Variants in USP25 observed in about 807,000 individuals in gnomAD.
USP25 encodes ubiquitin carboxyl-terminal hydrolase 25.
Under a neutral mutation model 158.5 loss-of-function variants are expected in USP25, and 85 were observed. The observed-to-expected ratio is 0.54, with a 90% confidence interval of 0.45 to 0.64. USP25 has a LOEUF of 0.64. Ranked by LOEUF, USP25 falls within the 30% of genes least tolerant of loss-of-function variation. The probability of loss-of-function intolerance (pLI) is 0.00; values close to 1 mark genes in which losing one functional copy is unlikely to be tolerated. For synonymous variants in USP25, 464 were observed against 460.4 expected (o/e 1.01, Z -0.10); for missense variants, 1,242 against 1,327.3 (o/e 0.94, Z 1.00).
At chr21:15,782,671 A>G (rs1247139749) in intron 4 of USP25, among the ~76,000 whole-genome samples, 7 of 152,160 alleles carry the variant, frequency 4.6e-5, no homozygotes, top group Non-Finnish European at 1.0e-4. Flanking sequence ...CTGTTTGGAC[A>G]CCACAATACT....
chr21:15,737,050 G>A (rs1203057413), intron 1 of USP25, among the ~76,000 whole-genome samples: 5 of 151,594 alleles, frequency 3.3e-5, no homozygotes, highest in African/African-American at 4.8e-5. Context: ...AGGATTTTTC[G>A]TCTGAAATCT....
chr21:15,817,938 T>C (rs1298190936), intron 9 of USP25, among the ~76,000 whole-genome samples: 1 of 152,174 alleles, frequency 6.6e-6, no homozygotes, highest in Non-Finnish European at 1.5e-5. Flanking sequence ...AAATTCTTAA[T>C]AGGACCACAA....
intron 1 of USP25, among the ~76,000 whole-genome samples, chr21:15,741,813 A>G (rs944859054): frequency 2.0e-5 from 3 of 152,066 alleles, no homozygotes; most frequent in Non-Finnish European, 2.9e-5. Context: ...AGATTGCACA[A>G]TTTTTTTTGT....
At chr21:15,811,677 G>A (rs1349352937) in intron 9 of USP25, among the ~76,000 whole-genome samples, 1 of 152,044 alleles carries the variant, frequency 6.6e-6, no homozygotes, top group Admixed American at 6.5e-5. Flanking sequence ...GGAAAAGATT[G>A]TACTCTATCT....
At chr21:15,794,817 T>C (rs1242675808) in intron 5 of USP25, among the ~76,000 whole-genome samples, 2 of 151,496 alleles carry the variant, frequency 1.3e-5, no homozygotes, top group Admixed American at 6.6e-5. Context: ...ATATTATATA[T>C]ATAATACAGG....
At position 15,730,356 on chromosome 21, in the gene USP25, G is replaced by GCGCCACCGC. The variant is rs1555817370; in HGVS notation, c.-33_-25dup. 4.3e-6 allele frequency: 5 copies of GCGCCACCGC among 1,171,300 alleles called. No homozygotes were observed. Among genetic ancestry groups the GCGCCACCGC allele is most frequent in the Non-Finnish European group, 5.3e-6 (5 of 951,640 alleles). The allele number at this position is 1,171,300 out of a possible 1,614,324, so 72.6% of individuals were successfully genotyped here. ...GGCCGGCGGAGGCGCGAGGAGCCGG[G>GCGCCACCGC]CGCCACCGCCGCCGCCGCCGCCGCC... is the stretch of plus-strand genomic sequence containing the variant. On this transcript the variant is annotated 5_prime_UTR_variant, in exon 1 of 26. Transcript: ENST00000400183.
Position 15,811,233 on chromosome 21 carries a change from TA to T in USP25, c.931+24del, listed in dbSNP as rs781173910. 1.9e-5 allele frequency: 30 copies of T among 1,579,316 alleles called. No homozygotes were observed. In the South Asian group the frequency reaches 3.4e-4, roughly 18 times the overall value. ...AAGGTAGAGTTATACATTTACTTTT[TA>T]TTGCAAGTGAAGAGAGATTATTATT... On this transcript the variant is annotated intron_variant, in intron 9 of 25. Coordinates refer to ENST00000400183, the MANE Select transcript of USP25 (RefSeq NM_001283041.3).
intron 3 of USP25, among the ~76,000 whole-genome samples, chr21:15,776,340 A>T (rs965724384): frequency 6.6e-6 from 1 of 151,414 alleles, no homozygotes; most frequent in African/African-American, 2.4e-5. Flanking sequence ...TAAAGACATT[A>T]AAAAAAACAC....
intron 3 of USP25, among the ~76,000 whole-genome samples, chr21:15,769,983 T>G (rs1485605942): frequency 6.6e-6 from 1 of 152,022 alleles, no homozygotes; most frequent in African/African-American, 2.4e-5. Context: ...TTTTCTTTTT[T>G]TCTAAAACAC....
intron 4 of USP25, among the ~76,000 whole-genome samples, chr21:15,781,747 T>C (rs1035378094): frequency 6.6e-6 from 1 of 152,052 alleles, no homozygotes; most frequent in Admixed American, 6.5e-5. Context: ...AAGCGGAGAA[T>C]CATCAGTCCT....
chr21:15,794,138 A>G (rs1490596558), intron 5 of USP25, among the ~76,000 whole-genome samples: 1 of 151,726 alleles, frequency 6.6e-6, no homozygotes, highest in Non-Finnish European at 1.5e-5. Flanking sequence ...TTTCTTGTAA[A>G]TATATTGACC....
At chr21:15,755,164 T>C (rs905015646) in intron 1 of USP25, among the ~76,000 whole-genome samples, 3 of 152,110 alleles carry the variant, frequency 2.0e-5, no homozygotes, top group South Asian at 2.1e-4. Flanking sequence ...TTTTTTTTTT[T>C]CCTCTGTTCT....
chr21:15,756,076 G>A (rs1308325102), intron 1 of USP25, among the ~76,000 whole-genome samples: 1 of 152,140 alleles, frequency 6.6e-6, no homozygotes, highest in Non-Finnish European at 1.5e-5. Context: ...GTAAGAAATA[G>A]CCCTTAGAAG....
At chr21:15,744,833 C>G (rs1436926562) in intron 1 of USP25, 1 of 152,378 alleles carries the variant, frequency 6.6e-6, no homozygotes, top group Non-Finnish European at 1.5e-5. Flanking sequence ...GGTGATCCAC[C>G]TGCCTCAGCC....
At chr21:15,850,687 G>A (rs2038845662) in intron 20 of USP25, among the ~76,000 whole-genome samples, 1 of 150,748 alleles carries the variant, frequency 6.6e-6, no homozygotes. Context: ...TTCATTTTCT[G>A]TATTTTGCCA....
chr21:15,808,625 A>G (rs770828224), intron 7 of USP25, among the ~76,000 whole-genome samples, 184 bp from the exon 8 acceptor site: 3 of 151,682 alleles, frequency 2.0e-5, no homozygotes, highest in South Asian at 4.1e-4. Flanking sequence ...TGTTTTTTCA[A>G]ATATCTTATA....
intron 17 of USP25, among the ~76,000 whole-genome samples, chr21:15,839,335 G>A (rs2038215765): frequency 6.6e-6 from 1 of 152,098 alleles, no homozygotes; most frequent in Admixed American, 6.6e-5. Flanking sequence ...GTTTTTAATA[G>A]GGTTAGAGGA....
intron 20 of USP25, among the ~76,000 whole-genome samples, chr21:15,861,156 A>G (rs889764045): frequency 6.6e-6 from 1 of 152,126 alleles, no homozygotes. Context: ...CTGATGGGTC[A>G]TCTGTAGGTA....
rs995281061 is a variant in USP25 at position 15,847,758 on chromosome 21, G to A, written c.2433G>A (p.Glu811=). The A allele has an allele frequency of 6.5e-7, 1 of 1,546,072 alleles. No homozygotes were observed. The change falls in exon 19 of 26, where the codon GAG becomes GAA. Residue 811 remains glutamate (E), a synonymous_variant. Coordinates refer to ENST00000400183, the MANE Select transcript of USP25 (RefSeq NM_001283041.3). ...HVGKFMIESK[E]GGYDDEIMMT... ...GGAAATTTATGATTGAATCAAAGGAGGGGGGGTATGATGACGAGGTACCTT... is the reference window on the plus strand; with the variant it reads ...GGAAATTTATGATTGAATCAAAGGAAGGGGGGTATGATGACGAGGTACCTT...
Sources: allele counts gnomAD v4.1 joint callset (sites outside exome capture counted in the v4.1 genomes callset), GRCh38; gene constraint gnomAD v4.1.1; transcripts MANE v1.5; gene names NCBI Gene and HGNC (gene_info 2026-07-23, HGNC 2026-07-21).